Variants in PM20D2 observed in about 807,000 individuals in gnomAD.
PM20D2 encodes xaa-Arg dipeptidase.
A neutral mutation model predicts 42.9 loss-of-function variants in PM20D2; 33 were observed. That is an observed-to-expected ratio of 0.77 (90% CI 0.58 to 1.03). PM20D2 has a LOEUF of 1.03. PM20D2 is among the 50% of genes least tolerant of loss of function. The pLI is 0.00. For synonymous variants in PM20D2, 250 were observed against 228.2 expected, an observed-to-expected ratio of 1.10 and a Z score of -0.86; for missense variants, 548 against 557.0, an observed-to-expected ratio of 0.98 and a Z score of 0.16.
At chr6:89,117,865 G>GGCCA in the PM20D2 span, 1 of 1,563,408 alleles carries the variant, frequency 6.4e-7, no homozygotes, top group Non-Finnish European at 8.6e-7. Context: ...GGAGGTGTTG[G>GGCCA]GGGGCCTCGT....
chr6:89,119,219 C>T, the PM20D2 span, among the ~76,000 whole-genome samples: 1 of 152,184 alleles, frequency 6.6e-6, no homozygotes, highest in Non-Finnish European at 1.5e-5. Context: ...TCCCCTAGAG[C>T]TTAGAATTTG....
At chr6:89,098,484 C>T in the PM20D2 span, 5 of 1,430,984 alleles carry the variant, frequency 3.5e-6, no homozygotes, top group South Asian at 3.1e-5. Flanking sequence ...AATATCAACT[C>T]GCATTTTCTG....
At chr6:89,098,106 A>G in the PM20D2 span, 1 of 152,806 alleles carries the variant, frequency 6.5e-6, no homozygotes, top group Non-Finnish European at 1.5e-5. Context: ...ACTAATATCC[A>G]CCAGGAATTG....
upstream of PM20D2, among the ~76,000 whole-genome samples, chr6:89,141,681 C>T (rs946110365): frequency 2.6e-5 from 4 of 152,306 alleles, no homozygotes; most frequent in Admixed American, 2.6e-4. Context: ...AAGCTTTTAA[C>T]TTATCTCAGA....
chr6:89,146,028 T>C (rs747624625), upstream of PM20D2: 7 of 922,744 alleles, frequency 7.6e-6, no homozygotes, highest in Non-Finnish European at 1.0e-5. Context: ...GGGAGCTGTG[T>C]GGCCGCGTGC....
the PM20D2 span, among the ~76,000 whole-genome samples, chr6:89,138,521 C>CA: frequency 6.6e-6 from 1 of 150,468 alleles, no homozygotes; most frequent in Admixed American, 6.6e-5. Context: ...TTTTAAAAAA[C>CA]GAAAAAAAAA....
the PM20D2 span, among the ~76,000 whole-genome samples, chr6:89,114,357 G>C: frequency 8.5e-5 from 13 of 152,188 alleles, no homozygotes; most frequent in Non-Finnish European, 1.8e-4. Context: ...GAGCCCAGGA[G>C]GCGGAGGTTG....
the PM20D2 span, among the ~76,000 whole-genome samples, chr6:89,140,497 C>CAATGTAGG: frequency 0.36 from 54,579 of 151,520 alleles, 10,735 homozygotes; most frequent in African/African-American, 0.53. Context: ...CTTGAGGGAT[C>CAATGTAGG]AATCTCTTCA....
chr6:89,114,145 C>T, the PM20D2 span, among the ~76,000 whole-genome samples: 12 of 152,096 alleles, frequency 7.9e-5, no homozygotes, highest in African/African-American at 2.2e-4. Context: ...AAAGAACATA[C>T]GGCCAGGCGC....
intron 1 of PM20D2, among the ~76,000 whole-genome samples, 181 bp from the exon 2 acceptor site, chr6:89,149,084 C>T (rs1770734432): frequency 6.6e-6 from 1 of 152,140 alleles, no homozygotes; most frequent in South Asian, 2.1e-4. Context: ...TAACAATGTA[C>T]ATTTTGTGAT....
chr6:89,152,543 C>T (rs986174114), intron 2 of PM20D2, among the ~76,000 whole-genome samples: 2 of 152,068 alleles, frequency 1.3e-5, no homozygotes, highest in African/African-American at 4.8e-5. Flanking sequence ...GGAACAACTG[C>T]TTTAATACTA....
At chr6:89,148,222 G>A (rs1250105156) in intron 1 of PM20D2, among the ~76,000 whole-genome samples, 1 of 151,730 alleles carries the variant, frequency 6.6e-6, no homozygotes, top group Non-Finnish European at 1.5e-5. Context: ...CGGGTGATTC[G>A]CCCACCTCGG....
At chr6:89,142,354 G>A (rs1770351089), upstream of PM20D2, among the ~76,000 whole-genome samples, 1 of 152,128 alleles carries the variant, frequency 6.6e-6, no homozygotes, top group Non-Finnish European at 1.5e-5. Context: ...ATGTGTGTCT[G>A]GGGATGCTTA....
At chr6:89,122,910 G>A in the PM20D2 span, among the ~76,000 whole-genome samples, 2 of 152,178 alleles carry the variant, frequency 1.3e-5, no homozygotes, top group Admixed American at 6.5e-5. Context: ...TATTACCTAT[G>A]TACTTTGGTT....
chr6:89,123,935 G>T, the PM20D2 span, among the ~76,000 whole-genome samples: 1 of 151,434 alleles, frequency 6.6e-6, no homozygotes, highest in Middle Eastern at 3.6e-3. Flanking sequence ...TACTCTGGAG[G>T]CTGAGGTGGG....
In PM20D2 at chr6:89,146,487, G is replaced by A; in HGVS notation, c.343G>A (p.Asp115Asn). ...GCACCTGGGCTTCCTCTGCGAGTAC[G>A]ACGCGCTGCCCGGCATCGGCCACGC... ...PLHLGFLCEY[D>N]ALPGIGHACG... Residue 115 changes from aspartate to asparagine, a missense_variant, in exon 1 of 7, where the codon GAC (aspartate) becomes AAC (asparagine). By Grantham distance (23) the Asp-to-Asn change is conservative. Around this residue, in one of 3 missense-constraint regions of PM20D2, gnomAD observed 470 missense variants for 464.4 expected, o/e 1.01. Transcript: ENST00000275072. 6.6e-7 allele frequency: 1 copy of A among 1,524,004 alleles called. No homozygotes were observed. The highest frequency in any genetic ancestry group is 8.7e-7 in the Non-Finnish European group (1 of 1,143,030). 94.4% of individuals were successfully genotyped at this position (1,524,004 alleles called of 1,614,324 possible). A position where few individuals can be genotyped will look rare whatever the true frequency, so the allele number is the denominator to read the frequency against.
the PM20D2 span, among the ~76,000 whole-genome samples, chr6:89,122,840 T>C: frequency 7.2e-5 from 11 of 152,328 alleles, no homozygotes; most frequent in African/African-American, 1.9e-4. Context: ...TATCCTTTCT[T>C]AAAACAAACC....
the PM20D2 span, chr6:89,117,887 T>G: frequency 1.9e-6 from 3 of 1,561,878 alleles, no homozygotes; most frequent in South Asian, 1.2e-5. Context: ...TAGCGAGACA[T>G]GACCGCTTCC....
At chr6:89,105,291 A>G in the PM20D2 span, 1 of 1,586,890 alleles carries the variant, frequency 6.3e-7, no homozygotes, top group Non-Finnish European at 8.6e-7. Flanking sequence ...CTTATGACAT[A>G]ATTCGTTACC....
Sources: allele counts gnomAD v4.1 joint callset (sites outside exome capture counted in the v4.1 genomes callset), GRCh38; gene constraint gnomAD v4.1.1; regional missense constraint gnomAD v4.1.1; transcripts MANE v1.5; gene names NCBI Gene and HGNC (gene_info 2026-07-23, HGNC 2026-07-21).